CENPW: variants seen among roughly 807,000 people sequenced by gnomAD.
CENPW encodes centromere protein W.
Under a neutral mutation model 11.1 loss-of-function variants are expected in CENPW, and 3 were observed. The ratio of observed to expected loss-of-function variants is 0.27; its 90% CI spans 0.12 to 0.70. The LOEUF (loss-of-function observed/expected upper bound fraction) is 0.70. CENPW is among the 30% of genes least tolerant of loss of function. The probability of loss-of-function intolerance (pLI) is 0.77; values close to 1 mark genes in which losing one functional copy is unlikely to be tolerated. For missense variants in CENPW, 100 were observed against 105.6 expected, an observed-to-expected ratio of 0.95 and a Z score of 0.23; for synonymous variants, 38 against 42.0, an observed-to-expected ratio of 0.91 and a Z score of 0.37.
the CENPW span, among the ~76,000 whole-genome samples, chr6:126,432,017 A>G: frequency 1.4e-5 from 2 of 147,482 alleles, no homozygotes; most frequent in Non-Finnish European, 3.0e-5. Context: ...GTGAGCCAAG[A>G]TCACACCACT....
At chr6:126,356,208 G>A in the CENPW span, among the ~76,000 whole-genome samples, 1 of 152,134 alleles carries the variant, frequency 6.6e-6, no homozygotes, top group Non-Finnish European at 1.5e-5. Context: ...CTATTTGGAT[G>A]CATCCAAGCC....
the CENPW span, among the ~76,000 whole-genome samples, chr6:126,401,741 C>T: frequency 6.6e-6 from 1 of 151,806 alleles, no homozygotes; most frequent in African/African-American, 2.4e-5. Context: ...GTCACCAAGC[C>T]CTGTACCACA....
chr6:126,456,202 A>T, the CENPW span, among the ~76,000 whole-genome samples: 6 of 151,338 alleles, frequency 4.0e-5, no homozygotes, highest in Admixed American at 1.3e-4. Context: ...ATTAGTAAAA[A>T]CTTTTAAATT....
the CENPW span, among the ~76,000 whole-genome samples, chr6:126,355,787 T>G: frequency 2.6e-5 from 4 of 152,158 alleles, no homozygotes; most frequent in Non-Finnish European, 5.9e-5. Context: ...TCATATTTCT[T>G]TGGTATTTTG....
At chr6:126,441,487 G>A in the CENPW span, among the ~76,000 whole-genome samples, 1 of 151,366 alleles carries the variant, frequency 6.6e-6, no homozygotes, top group African/African-American at 2.4e-5. Context: ...ATAGGTTTTG[G>A]GGGAACAGGT....
the CENPW span, among the ~76,000 whole-genome samples, chr6:126,389,585 A>G: frequency 9.9e-5 from 15 of 151,716 alleles, no homozygotes; most frequent in Admixed American, 4.0e-4. Flanking sequence ...AGTTGTCTTC[A>G]TGGCTTTACT....
the CENPW span, among the ~76,000 whole-genome samples, chr6:126,394,077 A>G: frequency 2.0e-5 from 3 of 151,994 alleles, no homozygotes; most frequent in Admixed American, 2.0e-4. Flanking sequence ...TTTTTAATCC[A>G]TTCAGCCATT....
the CENPW span, among the ~76,000 whole-genome samples, chr6:126,478,860 C>T: frequency 6.6e-6 from 1 of 151,974 alleles, no homozygotes; most frequent in Non-Finnish European, 1.5e-5. Context: ...CAACTGAGTT[C>T]TCCTGTTTCA....
At chr6:126,384,361 A>C in the CENPW span, among the ~76,000 whole-genome samples, 1 of 152,122 alleles carries the variant, frequency 6.6e-6, no homozygotes, top group South Asian at 2.1e-4. Context: ...AGGCACCATG[A>C]TCCCCAATCA....
In CENPW at chr6:126,340,184, G is replaced by C. The variant is rs1235813212; in HGVS notation, c.-90G>C. 3 of 1,231,798 alleles carry C rather than the reference G, an allele frequency of 2.4e-6. No homozygotes were observed. Among genetic ancestry groups the C allele is most frequent in the Non-Finnish European group, 3.5e-6 (3 of 854,262 alleles). The allele number at this position is 1,231,798 out of a possible 1,614,324, so 76.3% of individuals were successfully genotyped here. ...GCCTGAAGAAGCGTCATACGGACCG[G>C]ATTGTTTTCGCTGGCCCAGTGTCCC... On this transcript the variant is annotated 5_prime_UTR_variant, in exon 1 of 3. Transcript: ENST00000368328.
chr6:126,348,481 A>G lies in CENPW; in HGVS notation c.256A>G (p.Ser86Gly), dbSNP rs759964351. The change falls in exon 3 of 3, where the codon AGC (serine) becomes GGC (glycine). Residue 86 changes from serine (S) to glycine (G), a missense_variant. Coordinates refer to ENST00000368328, the MANE Select transcript of CENPW (RefSeq NM_001012507.4). ...LAAAKVILKK[S>G]RG is the part of the protein sequence containing the mutation. ...CCTCTTACAGGTAATTCTAAAGAAG[A>G]GCAGAGGTTAGAAGTCAAAGAACAT... The G allele has an allele frequency of 1.4e-6, 2 of 1,429,706 alleles. No individual in the cohort carries two copies. Among genetic ancestry groups the G allele is most frequent in the South Asian group, 2.3e-5 (2 of 86,496 alleles). The allele number at this position is 1,429,706 out of a possible 1,614,324, so 88.6% of individuals were successfully genotyped here.
the CENPW span, among the ~76,000 whole-genome samples, chr6:126,376,049 G>C: frequency 1.3e-5 from 2 of 152,090 alleles, no homozygotes; most frequent in Non-Finnish European, 2.9e-5. Context: ...CAATAAACAT[G>C]ACTTGCACGT....
chr6:126,466,626 A>G, the CENPW span, among the ~76,000 whole-genome samples: 1 of 152,128 alleles, frequency 6.6e-6, no homozygotes, highest in Non-Finnish European at 1.5e-5. Flanking sequence ...ATGTACGTGC[A>G]CATGTGCCTG....
chr6:126,395,684 GA>G, the CENPW span, among the ~76,000 whole-genome samples: 1 of 152,072 alleles, frequency 6.6e-6, no homozygotes, highest in East Asian at 1.9e-4. Flanking sequence ...TCTTTCTTGG[GA>G]AGACTTTCCA....
At chr6:126,346,086 TTTAC>T in intron 1 of CENPW, 115 bp from the exon 2 acceptor site, 1 of 504,976 alleles carries the variant, frequency 2.0e-6, no homozygotes, top group Non-Finnish European at 3.6e-6. Flanking sequence ...GAAGAGTTAA[TTTAC>T]TTAATCACAA....
the CENPW span, among the ~76,000 whole-genome samples, chr6:126,405,061 A>G: frequency 2.6e-4 from 40 of 152,064 alleles, no homozygotes; most frequent in Admixed American, 1.6e-3. Context: ...ATGGTGTTGA[A>G]TAAGACATTA....
the CENPW span, among the ~76,000 whole-genome samples, chr6:126,439,330 T>A: frequency 6.6e-6 from 1 of 151,694 alleles, no homozygotes; most frequent in Non-Finnish European, 1.5e-5. Flanking sequence ...ATCGTAGGGA[T>A]GAAAATATTC....
At chr6:126,351,035 G>A (rs970010125), downstream of CENPW, among the ~76,000 whole-genome samples, 3 of 150,620 alleles carry the variant, frequency 2.0e-5, no homozygotes, top group African/African-American at 7.3e-5. Flanking sequence ...CAGAGGTAAT[G>A]TCTTTTTTTT....
At chr6:126,454,383 A>G in the CENPW span, among the ~76,000 whole-genome samples, 6 of 151,488 alleles carry the variant, frequency 4.0e-5, no homozygotes, top group Admixed American at 2.0e-4. Context: ...CTCAGACCAC[A>G]GCTTAATAAA....
Sources: gnomAD v4.1 joint callset for allele counts (sites outside exome capture counted in the v4.1 genomes callset) on GRCh38, gnomAD v4.1.1 for gene constraint, MANE v1.5 for transcripts, NCBI Gene and HGNC (gene_info 2026-07-23, HGNC 2026-07-21) for gene names.